The following SPAG16 variants were observed in gnomAD, a reference collection of about 807,000 sequenced individuals.
The protein encoded by SPAG16 is sperm-associated antigen 16 protein.
Under a neutral mutation model 80.4 loss-of-function variants are expected in SPAG16, and 86 were observed. That is an observed-to-expected ratio of 1.07 (90% confidence interval 0.90 to 1.28). The LOEUF (loss-of-function observed/expected upper bound fraction) is 1.28, where lower values mean the gene tolerates loss of function less well. Among genes scored for constraint, SPAG16 ranks in the 50% most tolerant of loss-of-function variants. The probability of loss-of-function intolerance (pLI) is 0.00; values close to 1 mark genes in which losing one functional copy is unlikely to be tolerated. For synonymous variants in SPAG16, 294 were observed against 265.9 expected (o/e 1.11, Z -1.03); for missense variants, 870 against 765.3 (o/e 1.14, Z -1.61).
intron 10 of SPAG16, among the ~76,000 whole-genome samples, chr2:213,588,853 T>C (rs1274389942): frequency 1.8e-5 from 2 of 113,406 alleles, no homozygotes; most frequent in African/African-American, 3.1e-5. Context: ...AGACTCCCTA[T>C]CCATTTTGAG....
chr2:213,858,998 G>A (rs901274394), intron 10 of SPAG16, among the ~76,000 whole-genome samples: 60 of 151,518 alleles, frequency 4.0e-4, no homozygotes, highest in African/African-American at 1.4e-3. Context: ...GATAAACATG[G>A]TGAAATTCCA....
chr2:214,082,857 T>A (rs976878117), intron 13 of SPAG16, among the ~76,000 whole-genome samples: 1 of 152,210 alleles, frequency 6.6e-6, no homozygotes, highest in Non-Finnish European at 1.5e-5. Flanking sequence ...TGTTAAGCAT[T>A]GCCACTTTGT....
At chr2:213,297,557 C>A (rs1241350189) in intron 3 of SPAG16, among the ~76,000 whole-genome samples, 200 bp downstream of exon 3, 3 of 152,032 alleles carry the variant, frequency 2.0e-5, no homozygotes, top group African/African-American at 7.2e-5. Context: ...TTCTCCACAT[C>A]ATGGTCACTC....
At chr2:213,953,132 G>C (rs1036601400) in intron 12 of SPAG16, among the ~76,000 whole-genome samples, 1 of 151,922 alleles carries the variant, frequency 6.6e-6, no homozygotes, top group Admixed American at 6.6e-5. Flanking sequence ...TCAGCATAAA[G>C]GTCTTTCTGT....
At chr2:213,842,480 C>T (rs2074408708) in intron 10 of SPAG16, among the ~76,000 whole-genome samples, 1 of 151,696 alleles carries the variant, frequency 6.6e-6, no homozygotes, top group South Asian at 2.1e-4. Flanking sequence ...ATTGGATATA[C>T]CTTGGCACTT....
intron 10 of SPAG16, among the ~76,000 whole-genome samples, chr2:213,737,763 C>T (rs1422470982): frequency 6.6e-6 from 1 of 152,194 alleles, no homozygotes; most frequent in Non-Finnish European, 1.5e-5. Flanking sequence ...GCTGGGATTA[C>T]AGGCGTGAGC....
chr2:213,325,986 C>T (rs187978017), intron 5 of SPAG16, among the ~76,000 whole-genome samples: 29 of 151,834 alleles, frequency 1.9e-4, no homozygotes, highest in African/African-American at 7.0e-4. Context: ...GATTTTTGCC[C>T]CTTTCATGGC....
intron 10 of SPAG16, among the ~76,000 whole-genome samples, chr2:213,657,742 CCTTTTTAATGGTTTA>C (rs1395263767): frequency 2.6e-5 from 4 of 152,032 alleles, no homozygotes; most frequent in African/African-American, 4.8e-5. Context: ...CCAAAGTTCC[CCTTTTTAATGGTTTA>C]CTGTTACAAC....
intron 11 of SPAG16, among the ~76,000 whole-genome samples, chr2:213,872,556 T>G (rs2075993550): frequency 6.6e-6 from 1 of 152,126 alleles, no homozygotes; most frequent in East Asian, 1.9e-4. Flanking sequence ...ACTTTTTCCT[T>G]TCTCATCTAG....
intron 5 of SPAG16, among the ~76,000 whole-genome samples, chr2:213,325,660 A>AG (rs912739556): frequency 1.2e-4 from 18 of 151,186 alleles, no homozygotes; most frequent in African/African-American, 3.6e-4. Flanking sequence ...CTATTTTTTG[A>AG]GGGGGGAAGG....
intron 1 of SPAG16, among the ~76,000 whole-genome samples, chr2:213,294,803 C>T (rs1409380473): frequency 3.3e-5 from 5 of 152,126 alleles, no homozygotes; most frequent in Non-Finnish European, 5.9e-5. Flanking sequence ...TTATGTAGCA[C>T]AGAAAACCCA....
chr2:213,708,846 G>A (rs2065864823), intron 10 of SPAG16, among the ~76,000 whole-genome samples: 1 of 152,192 alleles, frequency 6.6e-6, no homozygotes, highest in African/African-American at 2.4e-5. Flanking sequence ...TGGCAAGTGA[G>A]TGGAGGGAAA....
intron 10 of SPAG16, among the ~76,000 whole-genome samples, chr2:213,662,229 C>G (rs1268048334): frequency 6.6e-6 from 1 of 152,042 alleles, no homozygotes; most frequent in Non-Finnish European, 1.5e-5. Flanking sequence ...ATATGGAACT[C>G]AGATCTGAAG....
chr2:213,638,208 T>C (rs773165806), intron 10 of SPAG16, among the ~76,000 whole-genome samples: 5 of 152,212 alleles, frequency 3.3e-5, no homozygotes, highest in African/African-American at 1.2e-4. Flanking sequence ...TTTTGTTTCA[T>C]TTATCTTTTG....
chr2:214,001,750 T>G (rs2046798021), intron 12 of SPAG16, among the ~76,000 whole-genome samples: 1 of 152,198 alleles, frequency 6.6e-6, no homozygotes, highest in Non-Finnish European at 1.5e-5. Context: ...AAATAACTCT[T>G]ATTTTACTTT....
At chr2:214,283,131 A>G (rs1229056876) in intron 15 of SPAG16, among the ~76,000 whole-genome samples, 1 of 152,122 alleles carries the variant, frequency 6.6e-6, no homozygotes, top group African/African-American at 2.4e-5. Flanking sequence ...ATAATTATTA[A>G]TAATTGCAGG....
At chr2:213,491,123 G>A (rs1440495837) in intron 10 of SPAG16, among the ~76,000 whole-genome samples, 1 of 152,168 alleles carries the variant, frequency 6.6e-6, no homozygotes, top group Non-Finnish European at 1.5e-5. Flanking sequence ...ACCAAAAGCA[G>A]TAGGTGAATG....
chr2:214,043,281 G>A (rs1368031105), intron 13 of SPAG16, among the ~76,000 whole-genome samples: 1 of 152,022 alleles, frequency 6.6e-6, no homozygotes, highest in Non-Finnish European at 1.5e-5. Flanking sequence ...ATATATCCTG[G>A]TTTCTATAGT....
intron 15 of SPAG16, among the ~76,000 whole-genome samples, chr2:214,179,225 T>C (rs1235486984): frequency 6.6e-6 from 1 of 151,444 alleles, no homozygotes; most frequent in Admixed American, 6.6e-5. Context: ...TCCAATTCTC[T>C]GGTCAATTTT....
Sources: gnomAD v4.1 joint callset for allele counts (sites outside exome capture counted in the v4.1 genomes callset) on GRCh38, gnomAD v4.1.1 for gene constraint, MANE v1.5 for transcripts, NCBI Gene and HGNC (gene_info 2026-07-23, HGNC 2026-07-21) for gene names.